CRTC1: variants seen among roughly 807,000 people sequenced by gnomAD.
CRTC1 encodes the protein CREB regulated transcription coactivator 1.
A neutral mutation model predicts 66.1 loss-of-function variants in CRTC1; 18 were observed. That is an observed-to-expected ratio of 0.27 (90% CI 0.19 to 0.40). The LOEUF is 0.40. Ranked by LOEUF, CRTC1 falls within the 10% of genes least tolerant of loss-of-function variation. CRTC1 has a pLI of 1.00. For synonymous variants in CRTC1, 416 were observed against 398.8 expected (o/e 1.04, Z -0.51); for missense variants, 669 against 887.9 (o/e 0.75, Z 3.13).
intron 5 of CRTC1, among the ~76,000 whole-genome samples, chr19:18,751,361 A>G (rs1032810698): frequency 6.6e-6 from 1 of 152,042 alleles, no homozygotes; most frequent in African/African-American, 2.4e-5. Context: ...GTCTCTACCA[A>G]AAATACAAAA....
chr19:18,738,858 G>A (rs1161713942), intron 1 of CRTC1, among the ~76,000 whole-genome samples: 1 of 152,254 alleles, frequency 6.6e-6, no homozygotes, highest in Non-Finnish European at 1.5e-5. Context: ...GACTTGGGGG[G>A]CTGCTTCTTG....
chr19:18,747,022 C>A, intron 3 of CRTC1, 31 bp from the exon 4 acceptor site: 1 of 1,606,916 alleles, frequency 6.2e-7, no homozygotes, highest in Non-Finnish European at 8.5e-7. Flanking sequence ...GGGGTCTCAG[C>A]CAGTGGCACT....
At position 18,779,215 on chromosome 19, in the gene CRTC1, G is replaced by A. The variant is rs906380271; in HGVS notation, c.*1833G>A. 2 of 231,724 alleles carry A rather than the reference G, an allele frequency of 8.6e-6. No individual in the cohort carries two copies. Among genetic ancestry groups the A allele is most frequent in the African/African-American group, 4.4e-5 (2 of 45,228 alleles). The allele number at this position is 231,724 out of a possible 1,614,324, so 14.4% of individuals were successfully genotyped here. A position where few individuals can be genotyped will look rare whatever the true frequency, so the allele number is the denominator to read the frequency against. On this transcript the variant is annotated 3_prime_UTR_variant, in exon 14 of 14. Transcript: ENST00000321949. ...GGCTGCTGCTTTCACTGGGGTCCTG[G>A]GCACCCTGGCTTCTGTCCTCAGAGC...
chr19:18,688,481 C>T (rs2052743799), intron 1 of CRTC1, among the ~76,000 whole-genome samples: 1 of 152,002 alleles, frequency 6.6e-6, no homozygotes. Context: ...CCCTGTCGCC[C>T]AGGCTGGAGT....
intron 1 of CRTC1, among the ~76,000 whole-genome samples, chr19:18,698,748 G>A (rs1260952499): frequency 6.6e-6 from 1 of 151,890 alleles, no homozygotes; most frequent in African/African-American, 2.4e-5. Flanking sequence ...GGCGCACAGT[G>A]TGTATTCCAC....
At chr19:18,687,412 GCT>G (rs1306317163) in intron 1 of CRTC1, among the ~76,000 whole-genome samples, 1 of 152,160 alleles carries the variant, frequency 6.6e-6, no homozygotes, top group Non-Finnish European at 1.5e-5. Context: ...TCCATCCTTT[GCT>G]CCCACCTATA....
intron 6 of CRTC1, among the ~76,000 whole-genome samples, chr19:18,757,649 G>T (rs2054518914): frequency 6.6e-6 from 1 of 152,068 alleles, no homozygotes; most frequent in South Asian, 2.1e-4. Context: ...TGAGGCAGGA[G>T]GATCACTGGA....
chr19:18,764,497 C>T (rs2054685515), intron 8 of CRTC1, among the ~76,000 whole-genome samples: 1 of 152,232 alleles, frequency 6.6e-6, no homozygotes, highest in African/African-American at 2.4e-5. Context: ...CCAGCTACTG[C>T]CATGTTGAAC....
chr19:18,777,171 T>C lies in CRTC1; in HGVS notation c.1694T>C (p.Val565Ala). Residue 565 changes from valine to alanine, a missense_variant and splice_region_variant, in exon 14 of 14, where the codon GTG becomes GCG. By Grantham distance (64) the Val-to-Ala change is moderately conservative. Around this residue, in one of 8 missense-constraint regions of CRTC1, gnomAD observed 91 missense variants for 99.1 expected, o/e 0.92. Coordinates refer to ENST00000321949, the MANE Select transcript of CRTC1 (RefSeq NM_015321.3). The surrounding 1 kb of genome is among the most constrained non-coding windows in gnomAD (Gnocchi z 5.5). Reference protein sequence around the residue: ...HSGIPNIILTVTGESPPSLSK... With the variant: ...HSGIPNIILTATGESPPSLSK... Reference sequence around the variant, plus strand: ...CTTTTGTCCCCACCCCATCCCCCAGTGACAGGAGAGTCCCCCCCCAGCCTC... The same window carrying C: ...CTTTTGTCCCCACCCCATCCCCCAGCGACAGGAGAGTCCCCCCCCAGCCTC... The C allele has an allele frequency of 1.1e-6, 1 of 947,312 alleles. No homozygotes were observed. 58.7% of individuals were successfully genotyped at this position (947,312 alleles called of 1,614,324 possible).
intron 11 of CRTC1, among the ~76,000 whole-genome samples, chr19:18,772,308 C>T (rs1381026975): frequency 2.6e-5 from 4 of 152,228 alleles, no homozygotes; most frequent in South Asian, 4.1e-4. Flanking sequence ...GTAGACCCCA[C>T]ATTCCATCTA....
At chr19:18,690,579 C>T (rs1484941517) in intron 1 of CRTC1, among the ~76,000 whole-genome samples, 1 of 152,120 alleles carries the variant, frequency 6.6e-6, no homozygotes, top group African/African-American at 2.4e-5. Flanking sequence ...AGTGGTGGCC[C>T]CTAAAAAGCA....
At chr19:18,753,405 A>G (rs2054413968) in intron 5 of CRTC1, 95 bp from the exon 6 acceptor site, 1 of 857,646 alleles carries the variant, frequency 1.2e-6, no homozygotes, top group Non-Finnish European at 1.9e-6. Flanking sequence ...CATGGCCATG[A>G]CTCCGTGTGT....
intron 1 of CRTC1, among the ~76,000 whole-genome samples, chr19:18,709,234 C>G (rs927983890): frequency 2.0e-5 from 3 of 152,116 alleles, no homozygotes; most frequent in African/African-American, 7.2e-5. Flanking sequence ...GGGACAGGGC[C>G]TCCCAGCCTG....
chr19:18,771,520 G>A lies in CRTC1; in HGVS notation c.1399G>A (p.Gly467Ser). Residue 467 changes from glycine to serine, a missense_variant, in exon 11 of 14, where the codon GGC becomes AGC. This residue lies in a region of CRTC1 where 79 missense variants were observed against 100.1 expected (regional missense o/e 0.79). Transcript: ENST00000321949. This position sits in a 1 kb window ranked among gnomAD's most constrained non-coding sequence, Gnocchi z 4.6. ...TCCCACCTCGCCAGTCTCCAATCAA[G>A]GCTTCTCCCCAGGGAGCTCCCCGCA... ...QSPTSPVSNQ[G>S]FSPGSSPQHT... 1 of 1,613,580 alleles carries A rather than the reference G, an allele frequency of 6.2e-7. No individual in the cohort carries two copies. The highest frequency in any genetic ancestry group is 1.1e-5 in the South Asian group (1 of 91,040).
chr19:18,771,532 G>C lies in CRTC1; in HGVS notation c.1411G>C (p.Gly471Arg). Residue 471 changes from glycine (G) to arginine (R), a missense_variant, in exon 11 of 14, where the codon GGG becomes CGG. This residue lies in a region of CRTC1 where 79 missense variants were observed against 100.1 expected (regional missense o/e 0.79). Coordinates refer to ENST00000321949, the MANE Select transcript of CRTC1 (RefSeq NM_015321.3). The surrounding 1 kb of genome is among the most constrained non-coding windows in gnomAD (Gnocchi z 4.6). The stretch of plus-strand genomic sequence containing the variant: ...AGTCTCCAATCAAGGCTTCTCCCCA[G>C]GGAGCTCCCCGCAAGTAAGGGGCGC... Reference protein sequence around the residue: ...SPVSNQGFSPGSSPQHTSTLG... With the variant: ...SPVSNQGFSPRSSPQHTSTLG... 1 of 1,613,316 alleles carries C rather than the reference G, an allele frequency of 6.2e-7. No homozygotes were observed. The highest frequency in any genetic ancestry group is 8.5e-7 in the Non-Finnish European group (1 of 1,179,616).
intron 1 of CRTC1, among the ~76,000 whole-genome samples, chr19:18,725,815 TCCGCCTCGGC>T (rs1268956122): frequency 3.3e-5 from 5 of 152,092 alleles, no homozygotes; most frequent in South Asian, 2.1e-4. Context: ...GCTTACAGGG[TCCGCCTCGGC>T]CCTCCCGTGT....
At chr19:18,737,202 G>T (rs2145704353) in intron 1 of CRTC1, among the ~76,000 whole-genome samples, 1 of 151,858 alleles carries the variant, frequency 6.6e-6, no homozygotes, top group South Asian at 2.1e-4. Context: ...CAAGGGGTGG[G>T]GGTCAGCGGA....
rs1010564965 is a variant in CRTC1 at position 18,760,890 on chromosome 19, T to C, written c.886+662T>C. 6.6e-6 allele frequency among the ~76,000 whole-genome samples: 1 copy of C among 151,748 alleles called. No homozygotes were observed. Among genetic ancestry groups the C allele is most frequent in the Admixed American group, 6.6e-5 (1 of 15,242 alleles). ...TCCTGTCGGTTCCGCCCTCAGGACC[T>C]GGCCTGACCTGGCTCCTCTCCCCAG... On this transcript the variant is annotated intron_variant, in intron 8 of 13. Transcript: ENST00000321949. The surrounding 1 kb of genome is among the most constrained non-coding windows in gnomAD (Gnocchi z 6.2).
chr19:18,711,669 G>T (rs2053394844), intron 1 of CRTC1, among the ~76,000 whole-genome samples: 1 of 152,186 alleles, frequency 6.6e-6, no homozygotes, highest in African/African-American at 2.4e-5. Context: ...CGGCCGTGCT[G>T]GTCCTGGGGT....
Sources: gnomAD v4.1 joint callset for allele counts (sites outside exome capture counted in the v4.1 genomes callset) on GRCh38, gnomAD v4.1.1 for gene constraint, gnomAD v4.1.1 regional missense constraint, Gnocchi (gnomAD v3.1) non-coding constraint, MANE v1.5 for transcripts, NCBI Gene and HGNC (gene_info 2026-07-23, HGNC 2026-07-21) for gene names.